The following KIF3C variants were observed in gnomAD, a reference collection of about 807,000 sequenced individuals.
KIF3C encodes kinesin family member 3C.
Under a neutral mutation model 67.7 loss-of-function variants are expected in KIF3C, and 12 were observed. The ratio of observed to expected loss-of-function variants is 0.18; its 90% CI spans 0.11 to 0.29. KIF3C has a LOEUF of 0.29. Ranked by LOEUF, KIF3C falls within the 10% of genes least tolerant of loss-of-function variation. The probability of loss-of-function intolerance (pLI) is 1.00; values close to 1 mark genes in which losing one functional copy is unlikely to be tolerated. For synonymous variants in KIF3C, 393 were observed against 426.2 expected, an observed-to-expected ratio of 0.92 and a Z score of 0.96; for missense variants, 789 against 1,059.6, an observed-to-expected ratio of 0.74 and a Z score of 3.55.
Position 25,949,985 on chromosome 2 carries a change from G to C in KIF3C, c.2006+1804C>G, listed in dbSNP as rs140423196. 1.7e-3 allele frequency among the ~76,000 whole-genome samples: 264 copies of C among 151,302 alleles called. 2 individuals are homozygous for C. Among genetic ancestry groups the C allele is most frequent in the African/African-American group, 6.1e-3 (254 of 41,330 alleles). On this transcript the variant is annotated intron_variant, in intron 5 of 7. Coordinates refer to ENST00000264712, the MANE Select transcript of KIF3C (RefSeq NM_002254.8). ...GTTTCACTGCAACCTCTGCCTCCTG[G>C]GTTCAAGTGATTCTCTTGCCTCAGC...
chr2:25,980,391 C>A lies in KIF3C; in HGVS notation c.1527G>T (p.Leu509=), dbSNP rs1462234878. The A allele has an allele frequency of 3.1e-6, 5 of 1,613,290 alleles. No individual in the cohort carries two copies. The Admixed American group carries it at 8.3e-5, about 27-fold the overall frequency. ...DLRREQQATE[L]LAAKYKAMES... is the part of the protein sequence containing the mutation. ...CCCTTACCTTGTACTTGGCCGCAAG[C>A]AGCTCTGTGGCCTGCTGTTCCCGCC... The change falls in exon 1 of 8, where the codon CTG becomes CTT. Residue 509 remains leucine, a synonymous_variant. Coordinates refer to ENST00000264712, the MANE Select transcript of KIF3C (RefSeq NM_002254.8). This position sits in a 1 kb window ranked among gnomAD's most constrained non-coding sequence, Gnocchi z 7.6.
At chr2:25,966,958 T>C (rs899640356) in intron 1 of KIF3C, among the ~76,000 whole-genome samples, 1 of 152,186 alleles carries the variant, frequency 6.6e-6, no homozygotes, top group Non-Finnish European at 1.5e-5. Context: ...TGCTCAAGGT[T>C]TGGAGCCAGT....
At chr2:25,960,614 A>G (rs1663919325) in intron 1 of KIF3C, among the ~76,000 whole-genome samples, 1 of 152,152 alleles carries the variant, frequency 6.6e-6, no homozygotes, top group Admixed American at 6.5e-5. Context: ...CACTGGAAAA[A>G]TGATAGTTAT....
intron 5 of KIF3C, among the ~76,000 whole-genome samples, chr2:25,930,754 G>T (rs2090452383): frequency 6.6e-6 from 1 of 152,078 alleles, no homozygotes; most frequent in East Asian, 1.9e-4. Context: ...GGTCAGGCTG[G>T]TCTCGAACTC....
At chr2:25,934,128 T>C in intron 5 of KIF3C, 1 of 470,838 alleles carries the variant, frequency 2.1e-6, no homozygotes, top group South Asian at 1.6e-5. Context: ...ACGGACTACA[T>C]ATTGTGTGAT....
intron 5 of KIF3C, among the ~76,000 whole-genome samples, chr2:25,932,088 G>A (rs375650124): frequency 2.0e-4 from 28 of 141,964 alleles, no homozygotes; most frequent in South Asian, 1.2e-3. Context: ...TGCAACTTCC[G>A]ACCCCCTGGT....
In KIF3C at chr2:25,951,697, T is replaced by C. The variant is rs1282843260; in HGVS notation, c.2006+92A>G. On this transcript the variant is annotated intron_variant, in intron 5 of 7. Coordinates refer to ENST00000264712, the MANE Select transcript of KIF3C (RefSeq NM_002254.8). ...TTCCCCAATCCACAAAACATCTGTC[T>C]CCCTGCAGGCAAGGCCTCAGGCCCC... 5 of 764,212 alleles carry C rather than the reference T, an allele frequency of 6.5e-6. No individual in the cohort carries two copies. The East Asian group carries it at 1.2e-4, about 19-fold the overall frequency. The allele number at this position is 764,212 out of a possible 1,614,324, so 47.3% of individuals were successfully genotyped here. A position where few individuals can be genotyped will look rare whatever the true frequency, so the allele number is the denominator to read the frequency against.
intron 1 of KIF3C, among the ~76,000 whole-genome samples, chr2:25,964,815 G>T (rs1459572855): frequency 6.6e-6 from 1 of 152,160 alleles, no homozygotes; most frequent in African/African-American, 2.4e-5. Flanking sequence ...TGAGCTGCCA[G>T]TCAGGCCTGG....
At chr2:25,940,933 G>A (rs1024661627) in intron 5 of KIF3C, among the ~76,000 whole-genome samples, 5 of 152,008 alleles carry the variant, frequency 3.3e-5, no homozygotes, top group African/African-American at 7.2e-5. Flanking sequence ...GATTACAGGC[G>A]TGGGCCACCA....
At chr2:25,935,862 G>A (rs960079094) in intron 5 of KIF3C, among the ~76,000 whole-genome samples, 6 of 151,836 alleles carry the variant, frequency 4.0e-5, no homozygotes, top group African/African-American at 7.3e-5. Context: ...TGGATCACGA[G>A]GTCAGGAGAT....
chr2:25,947,016 G>A (rs2149228996), intron 5 of KIF3C, among the ~76,000 whole-genome samples: 1 of 152,158 alleles, frequency 6.6e-6, no homozygotes, highest in East Asian at 1.9e-4. Flanking sequence ...TTAACCAAGT[G>A]TGGTAGTGGG....
rs755460821 is a variant in KIF3C, at chr2:25,955,531, A to T, written c.1770+10T>A. On this transcript the variant is annotated intron_variant, in intron 3 of 7. Transcript: ENST00000264712. The surrounding 1 kb of genome is among the most constrained non-coding windows in gnomAD (Gnocchi z 5.0). ...AGCACACCTTAACCGGTCCTGCTGC[A>T]GCGTCTCACCTTCTTGAGTTTCTTG... is the stretch of plus-strand genomic sequence containing the variant. The T allele has an allele frequency of 3.7e-6, 6 of 1,613,730 alleles. No individual in the cohort carries two copies. The highest frequency in any genetic ancestry group is 2.2e-5 in the East Asian group (1 of 44,860).
intron 1 of KIF3C, among the ~76,000 whole-genome samples, chr2:25,978,509 G>A (rs1025728222): frequency 6.6e-6 from 1 of 152,112 alleles, no homozygotes; most frequent in East Asian, 1.9e-4. Context: ...CAAAGCTCCT[G>A]CCAACTCTAA....
At chr2:25,934,814 C>CT (rs749368677) in intron 5 of KIF3C, among the ~76,000 whole-genome samples, 7 of 152,022 alleles carry the variant, frequency 4.6e-5, no homozygotes, top group Non-Finnish European at 8.8e-5. Context: ...AATCCCCACG[C>CT]TTTGGGAGGC....
chr2:25,962,884 T>C (rs1438867290), intron 1 of KIF3C, among the ~76,000 whole-genome samples: 1 of 69,742 alleles, frequency 1.4e-5, no homozygotes, highest in Non-Finnish European at 2.5e-5. Flanking sequence ...ATATAAAATA[T>C]ATATAATATA....
rs568814937 is a variant in KIF3C at position 25,975,115 on chromosome 2, C to T, written c.1545+5258G>A. The stretch of plus-strand genomic sequence containing the variant: ...GGCCCAACTCCAGCTGCCCACTGGA[C>T]TCTGTCACCTCAAATGTGACACATC... On this transcript the variant is annotated intron_variant, in intron 1 of 7. Transcript: ENST00000264712. Among the ~76,000 whole-genome samples, 23 of 152,152 alleles carry T rather than the reference C, an allele frequency of 1.5e-4. 1 individual carries two copies. In the South Asian group the frequency reaches 4.8e-3, roughly 32 times the overall value.
chr2:25,947,308 G>C (rs1333310728), intron 5 of KIF3C, among the ~76,000 whole-genome samples: 1 of 152,078 alleles, frequency 6.6e-6, no homozygotes, highest in South Asian at 2.1e-4. Context: ...GGGGCCCGAC[G>C]CAGTGGCTTG....
Position 25,982,239 on chromosome 2 carries a change from A to C in KIF3C, c.-322T>G. 1 of 417,498 alleles carries C rather than the reference A, an allele frequency of 2.4e-6. No homozygotes were observed. Among genetic ancestry groups the C allele is most frequent in the East Asian group, 3.5e-5 (1 of 28,710 alleles). The allele number at this position is 417,498 out of a possible 1,614,324, so 25.9% of individuals were successfully genotyped here. A position where few individuals can be genotyped will look rare whatever the true frequency, so the allele number is the denominator to read the frequency against. On this transcript the variant is annotated 5_prime_UTR_variant, in exon 1 of 8. Transcript: ENST00000264712. Reference sequence around the variant, plus strand: ...GAGCAGAGGGAGCGCTGCCGTAAACAGCTTCGGCAACAATGAGATAAAGGA... The same window carrying C: ...GAGCAGAGGGAGCGCTGCCGTAAACCGCTTCGGCAACAATGAGATAAAGGA...
chr2:25,958,442 G>T lies in KIF3C; in HGVS notation c.1546-1998C>A, dbSNP rs1559554140. ...CTAAAAAGACAAAAATTAGCTGGGT[G>T]TGGTGGCGTGCACCTGTAGTCCTAG... On this transcript the variant is annotated intron_variant, in intron 1 of 7. Coordinates refer to ENST00000264712, the MANE Select transcript of KIF3C (RefSeq NM_002254.8). The surrounding 1 kb of genome is among the most constrained non-coding windows in gnomAD (Gnocchi z 4.5). Among the ~76,000 whole-genome samples the T allele has an allele frequency of 6.6e-6, 1 of 152,064 alleles. No individual in the cohort carries two copies. Among genetic ancestry groups the T allele is most frequent in the Non-Finnish European group, 1.5e-5 (1 of 68,002 alleles).
Sources: gnomAD v4.1 joint callset for allele counts (sites outside exome capture counted in the v4.1 genomes callset) on GRCh38, gnomAD v4.1.1 for gene constraint, Gnocchi (gnomAD v3.1) non-coding constraint, MANE v1.5 for transcripts, NCBI Gene and HGNC (gene_info 2026-07-23, HGNC 2026-07-21) for gene names.